ADAM19: variants seen among roughly 807,000 people sequenced by gnomAD.
ADAM19 encodes the protein ADAM metallopeptidase domain 19, also known as disintegrin and metalloproteinase domain-containing protein 19.
ADAM19 carries 65 observed loss-of-function variants against 114.7 expected under a neutral mutation model. That is an observed-to-expected ratio of 0.57 (90% CI 0.46 to 0.70). ADAM19 has a LOEUF of 0.70. ADAM19 is among the 30% of genes least tolerant of loss of function. The pLI, the probability that ADAM19 is intolerant of heterozygous loss-of-function variation, is 0.00. For synonymous variants in ADAM19, 466 were observed against 460.5 expected (o/e 1.01, Z -0.15); for missense variants, 1,063 against 1,204.7 (o/e 0.88, Z 1.74).
At chr5:157,493,582 C>A (rs756932527) in intron 15 of ADAM19, among the ~76,000 whole-genome samples, 2 of 152,120 alleles carry the variant, frequency 1.3e-5, no homozygotes, top group Non-Finnish European at 2.9e-5. Context: ...ATCAATCTTC[C>A]CTCCTTAATT....
In ADAM19 at chr5:157,479,433, G is replaced by C. The variant is rs1754683267; in HGVS notation, c.*1516C>G. 1.9e-5 allele frequency: 19 copies of C among 985,998 alleles called. No homozygotes were observed. The highest frequency in any genetic ancestry group is 2.3e-5 in the Non-Finnish European group (19 of 830,082). The allele number at this position is 985,998 out of a possible 1,614,324, so 61.1% of individuals were successfully genotyped here. A position where few individuals can be genotyped will look rare whatever the true frequency, so the allele number is the denominator to read the frequency against. On this transcript the variant is annotated 3_prime_UTR_variant, in exon 23 of 23. Coordinates refer to ENST00000257527, the MANE Select transcript of ADAM19 (RefSeq NM_033274.5). ...CCCCAGGAAAGCCTCAGAGGAGTGA[G>C]AGTCAGGCCAGCTCCTGTCCGGAGA...
At position 157,516,483 on chromosome 5, in the gene ADAM19, G is replaced by A. The variant is rs754626566; in HGVS notation, c.666+2340C>T. 3.0e-4 allele frequency among the ~76,000 whole-genome samples: 45 copies of A among 152,168 alleles called. 1 individual carries two copies. Among genetic ancestry groups the A allele is most frequent in the Admixed American group, 2.7e-3 (41 of 15,278 alleles). On this transcript the variant is annotated intron_variant, in intron 7 of 22. Coordinates refer to ENST00000257527, the MANE Select transcript of ADAM19 (RefSeq NM_033274.5). ...ATGCCTAATCCCTGCCTCCCACCAT[G>A]CTTCCCACTTCTCCAGCTGCTGGAG... is the stretch of plus-strand genomic sequence containing the variant.
chr5:157,529,736 C>G (rs563249701), intron 5 of ADAM19, among the ~76,000 whole-genome samples: 2 of 152,290 alleles, frequency 1.3e-5, no homozygotes, highest in South Asian at 4.1e-4. Flanking sequence ...CAACTGCAGG[C>G]ATATATTCTT....
At chr5:157,503,012 A>T (rs1349530869) in intron 11 of ADAM19, 32 bp from the exon 12 acceptor site, 1 of 1,598,998 alleles carries the variant, frequency 6.3e-7, no homozygotes, top group Admixed American at 1.7e-5. Flanking sequence ...ATTAGTGGGG[A>T]GTTTGAGCAT....
intron 1 of ADAM19, among the ~76,000 whole-genome samples, chr5:157,574,187 C>T (rs1757906940): frequency 6.6e-6 from 1 of 152,162 alleles, no homozygotes; most frequent in Non-Finnish European, 1.5e-5. Context: ...AAAATATCAA[C>T]AGCAACTGTG....
chr5:157,544,373 C>T (rs1156258829), intron 3 of ADAM19, among the ~76,000 whole-genome samples: 1 of 152,246 alleles, frequency 6.6e-6, no homozygotes, highest in African/African-American at 2.4e-5. Flanking sequence ...TCACCAACCA[C>T]TTCCCACGAC....
Position 157,485,140 on chromosome 5 carries a change from C to T in ADAM19, c.2550+3125G>A, listed in dbSNP as rs1210094731. Among the ~76,000 whole-genome samples, 3 of 152,228 alleles carry T rather than the reference C, an allele frequency of 2.0e-5. No homozygotes were observed. The East Asian group carries it at 5.8e-4, about 29-fold the overall frequency. On this transcript the variant is annotated intron_variant, in intron 21 of 22. Transcript: ENST00000257527. ...AAGCAATGGATCTTCAACTCGTTAT[C>T]TATTTTCTCTTCTGCACATTTCTCA... is the stretch of plus-strand genomic sequence containing the variant.
chr5:157,479,387 T>A lies in ADAM19; in HGVS notation c.*1562A>T. On this transcript the variant is annotated 3_prime_UTR_variant, in exon 23 of 23. Transcript: ENST00000257527. ...GAGGTTTTCAAGAGCAAACAATTGC[T>A]CATGGCAGGATGGGAGGAGGCCCCA... 1 of 986,012 alleles carries A rather than the reference T, an allele frequency of 1.0e-6. No individual in the cohort carries two copies. Among genetic ancestry groups the A allele is most frequent in the Non-Finnish European group, 1.2e-6 (1 of 830,174 alleles). The allele number at this position is 986,012 out of a possible 1,614,324, so 61.1% of individuals were successfully genotyped here.
intron 3 of ADAM19, among the ~76,000 whole-genome samples, chr5:157,545,352 T>C (rs930812990): frequency 6.6e-6 from 1 of 151,990 alleles, no homozygotes; most frequent in Non-Finnish European, 1.5e-5. Context: ...GCACCTGGAG[T>C]TGGTCAAGAT....
intron 8 of ADAM19, 117 bp downstream of exon 8, chr5:157,513,317 C>T: frequency 1.0e-6 from 1 of 990,826 alleles, no homozygotes; most frequent in Non-Finnish European, 1.6e-6. Context: ...CTCTATGGCA[C>T]TGCTCATTCC....
At chr5:157,530,038 C>T (rs889652446) in intron 5 of ADAM19, among the ~76,000 whole-genome samples, 4 of 152,188 alleles carry the variant, frequency 2.6e-5, no homozygotes, top group South Asian at 2.1e-4. Flanking sequence ...TCATCCATCC[C>T]GAGCATATTA....
chr5:157,517,143 T>G (rs1443545025), intron 7 of ADAM19, among the ~76,000 whole-genome samples: 1 of 152,188 alleles, frequency 6.6e-6, no homozygotes, highest in Non-Finnish European at 1.5e-5. Context: ...TAACATCCAG[T>G]GACTAACACT....
At chr5:157,546,035 A>C (rs571356460) in intron 3 of ADAM19, among the ~76,000 whole-genome samples, 1 of 152,320 alleles carries the variant, frequency 6.6e-6, no homozygotes, top group African/African-American at 2.4e-5. Context: ...GAGGTCCGTG[A>C]TGTGCAGGCA....
At chr5:157,570,026 T>G (rs527673013) in intron 2 of ADAM19, among the ~76,000 whole-genome samples, 1 of 152,256 alleles carries the variant, frequency 6.6e-6, no homozygotes, top group African/African-American at 2.4e-5. Context: ...TTGAGAGGAC[T>G]ACGTGGGCGG....
intron 18 of ADAM19, 55 bp downstream of exon 18, chr5:157,491,558 CCT>C: frequency 2.4e-6 from 3 of 1,265,994 alleles, no homozygotes; most frequent in African/African-American, 1.5e-5. Context: ...GCCACCTGCC[CCT>C]GATGCCCGCT....
At chr5:157,490,168 G>T in intron 19 of ADAM19, 142 bp downstream of exon 19, 1 of 853,154 alleles carries the variant, frequency 1.2e-6, no homozygotes, top group Non-Finnish European at 1.8e-6. Flanking sequence ...CACAGTCATA[G>T]CAGGGGAGAG....
At chr5:157,520,098 C>A in intron 5 of ADAM19, 67 bp from the exon 6 acceptor site, 2 of 1,464,548 alleles carry the variant, frequency 1.4e-6, no homozygotes, top group Middle Eastern at 1.9e-4. Flanking sequence ...TTGTGTAGGT[C>A]TTAGTTTCTC....
chr5:157,506,982 T>C, intron 10 of ADAM19, 74 bp downstream of exon 10: 8 of 1,261,426 alleles, frequency 6.3e-6, no homozygotes, highest in Non-Finnish European at 8.0e-6. Flanking sequence ...CAACTTATTA[T>C]TCAAAAGATG....
At chr5:157,496,810 G>C in intron 14 of ADAM19, 84 bp downstream of exon 14, 1 of 1,314,364 alleles carries the variant, frequency 7.6e-7, no homozygotes. Flanking sequence ...TTGAAGCCAA[G>C]ATTCCAAACT....
Sources: allele counts gnomAD v4.1 joint callset (sites outside exome capture counted in the v4.1 genomes callset), GRCh38; gene constraint gnomAD v4.1.1; transcripts MANE v1.5; gene names NCBI Gene and HGNC (gene_info 2026-07-23, HGNC 2026-07-21).